Variants in IZUMO4 observed in about 807,000 individuals in gnomAD.
IZUMO4 encodes IZUMO family member 4.
IZUMO4 carries 51 observed loss-of-function variants against 37.1 expected under a neutral mutation model. The observed-to-expected ratio is 1.38, with a 90% CI of 1.10 to 1.74. The LOEUF (loss-of-function observed/expected upper bound fraction) is 1.74. Among genes scored for constraint, IZUMO4 ranks in the 40% most tolerant of loss-of-function variants. The probability of loss-of-function intolerance (pLI) is 0.00; values close to 1 mark genes in which losing one functional copy is unlikely to be tolerated. For synonymous variants in IZUMO4, 162 were observed against 121.4 expected (o/e 1.33, Z -2.20); for missense variants, 364 against 299.6 (o/e 1.21, Z -1.59).
At chr19:2,098,832 G>C (rs966847819) in intron 8 of IZUMO4, 28 bp downstream of exon 8, 13 of 1,589,458 alleles carry the variant, frequency 8.2e-6, no homozygotes, top group African/African-American at 1.4e-5. Context: ...TGGACTTCAG[G>C]GGGAGGGGGT....
chr19:2,098,648 A>G (rs1339384028), intron 7 of IZUMO4, 139 bp from the exon 8 acceptor site: 1 of 1,555,048 alleles, frequency 6.4e-7, no homozygotes, highest in Non-Finnish European at 8.7e-7. Context: ...CCTCAGCTGG[A>G]GGCGGGCATC....
chr19:2,097,306 T>C lies in IZUMO4; in HGVS notation c.272T>C (p.Leu91Pro). 6.2e-7 allele frequency: 1 copy of C among 1,612,804 alleles called. No homozygotes were observed. Among genetic ancestry groups the C allele is most frequent in the Non-Finnish European group, 8.5e-7 (1 of 1,179,908 alleles). Residue 91 changes from leucine (L) to proline (P), a missense_variant, in exon 2 of 10, where the codon CTG becomes CCG. By Grantham distance (98) the Leu-to-Pro change is moderately conservative (BLOSUM62 -3). Transcript: ENST00000395301. ...ATAVYQMMDQLYQGKMYFPGY... is the reference protein window; with the variant it reads ...ATAVYQMMDQPYQGKMYFPGY... The stretch of plus-strand genomic sequence containing the variant: ...GCAGTGTACCAGATGATGGATCAGC[T>C]GTACCAGGGGAAGATGTACTTCCCC...
chr19:2,099,417 G>A lies in IZUMO4; in HGVS notation c.*72G>A. ...TGGACAGCCCCTGCCTGTCACTCTG[G>A]AGCTGGGCTGCTGCTGCCTCAGGAC... On this transcript the variant is annotated 3_prime_UTR_variant, in exon 10 of 10. Coordinates refer to ENST00000395301, the MANE Select transcript of IZUMO4 (RefSeq NM_001039846.2). The A allele has an allele frequency of 9.0e-7, 1 of 1,116,626 alleles. No homozygotes were observed. Among genetic ancestry groups the A allele is most frequent in the South Asian group, 1.3e-5 (1 of 75,490 alleles). 69.2% of individuals were successfully genotyped at this position (1,116,626 alleles called of 1,614,324 possible). A position where few individuals can be genotyped will look rare whatever the true frequency, so the allele number is the denominator to read the frequency against.
Position 2,097,496 on chromosome 19 carries a change from G to T in IZUMO4, c.370+1G>T. The T allele has an allele frequency of 6.2e-7, 1 of 1,612,770 alleles. No individual in the cohort carries two copies. Among genetic ancestry groups the T allele is most frequent in the Non-Finnish European group, 8.5e-7 (1 of 1,179,336 alleles). ...CTCATCCAGAACGCCATCATCGAAAGTGAGCAAATAAGGCTTCAGAGGAGG... is the reference window on the plus strand; with the variant it reads ...CTCATCCAGAACGCCATCATCGAAATTGAGCAAATAAGGCTTCAGAGGAGG... On this transcript the variant is annotated splice_donor_variant, in intron 3 of 9. Coordinates refer to ENST00000395301, the MANE Select transcript of IZUMO4 (RefSeq NM_001039846.2). LOFTEE classifies it high-confidence loss of function.
intron 9 of IZUMO4, 85 bp downstream of exon 9, chr19:2,099,114 A>T: frequency 7.1e-7 from 1 of 1,405,918 alleles, no homozygotes; most frequent in Non-Finnish European, 1.0e-6. Context: ...CACCCTGCTG[A>T]CATCCCAGGC....
rs753599981 is a variant in IZUMO4, at chr19:2,098,139, G to T, written c.473+12G>T. ...GGCTATAACTGCGAGTAGGGCTCAG[G>T]CATCACACCCACCCGTGCCAGGGCC... On this transcript the variant is annotated intron_variant, in intron 5 of 9. Transcript: ENST00000395301. 4 of 1,613,212 alleles carry T rather than the reference G, an allele frequency of 2.5e-6. No homozygotes were observed. Among genetic ancestry groups the T allele is most frequent in the Non-Finnish European group, 3.4e-6 (4 of 1,179,900 alleles).
chr19:2,097,641 C>G (rs571553571), intron 3 of IZUMO4, 146 bp downstream of exon 3: 3 of 806,832 alleles, frequency 3.7e-6, no homozygotes, highest in Non-Finnish European at 4.2e-6. Context: ...GGGACCCAGC[C>G]TAGCACCTGA....
rs538696329 is a variant in IZUMO4, at chr19:2,097,008, C to G, written c.63C>G (p.Cys21Trp). The change falls in exon 1 of 10, where the codon TGC (cysteine) becomes TGG (tryptophan). Residue 21 changes from cysteine to tryptophan, a missense_variant. By Grantham distance (215) the Cys-to-Trp change is radical. Coordinates refer to ENST00000395301, the MANE Select transcript of IZUMO4 (RefSeq NM_001039846.2). Reference protein sequence around the residue: ...TAALAHGCLHCHSNFSKKFSF... With the variant: ...TAALAHGCLHWHSNFSKKFSF... Reference sequence around the variant, plus strand: ...CGCTGGCCCACGGCTGTCTGCACTGCCACAGCAACTTCTCCAAGAAGTTCT... The same window carrying G: ...CGCTGGCCCACGGCTGTCTGCACTGGCACAGCAACTTCTCCAAGAAGTTCT... The G allele has an allele frequency of 6.2e-7, 1 of 1,611,332 alleles. No homozygotes were observed. The highest frequency in any genetic ancestry group is 8.5e-7 in the Non-Finnish European group (1 of 1,179,876).
chr19:2,098,244 C>T lies in IZUMO4; in HGVS notation c.474-43C>T, dbSNP rs376499303. 5.7e-4 allele frequency: 920 copies of T among 1,613,108 alleles called. 6 individuals are homozygous for T. In the East Asian group the frequency reaches 8.2e-3, roughly 14 times the overall value. On this transcript the variant is annotated intron_variant, in intron 5 of 9. Transcript: ENST00000395301. ...TGGCTGTCATCGGGTAGGGCGGGGC[C>T]GTGGGTTCAGGGGCGCACCACTTCC...
At position 2,097,171 on chromosome 19, in the gene IZUMO4, C is replaced by G; in HGVS notation, c.217+9C>G. The G allele has an allele frequency of 6.2e-7, 1 of 1,608,212 alleles. No individual in the cohort carries two copies. Among genetic ancestry groups the G allele is most frequent in the South Asian group, 1.1e-5 (1 of 90,716 alleles). On this transcript the variant is annotated intron_variant, in intron 1 of 9. Coordinates refer to ENST00000395301, the MANE Select transcript of IZUMO4 (RefSeq NM_001039846.2). ...CATCCCCGCCAAGATCAGTGAGTGC[C>G]GGAGCCCAGCCCAGTCCCGACTACC...
In IZUMO4 at chr19:2,097,332, G is replaced by C. The variant is rs751712595; in HGVS notation, c.298G>C (p.Gly100Arg). The C allele has an allele frequency of 2.5e-6, 4 of 1,612,314 alleles. No individual in the cohort carries two copies. In the East Asian group the frequency reaches 8.9e-5, roughly 36 times the overall value. ...GTACCAGGGGAAGATGTACTTCCCC[G>C]GTAAGGGGCGCGAAACCGAGGCGGG... is the stretch of plus-strand genomic sequence containing the variant. ...QLYQGKMYFP[G>R]YFPNELRNIF... Residue 100 changes from glycine to arginine, a missense_variant and splice_region_variant, in exon 2 of 10, where the codon GGG becomes CGG. Coordinates refer to ENST00000395301, the MANE Select transcript of IZUMO4 (RefSeq NM_001039846.2).
rs775871795 is a variant in IZUMO4, at chr19:2,097,180, G to A, written c.217+18G>A. On this transcript the variant is annotated intron_variant, in intron 1 of 9. Coordinates refer to ENST00000395301, the MANE Select transcript of IZUMO4 (RefSeq NM_001039846.2). ...CAAGATCAGTGAGTGCCGGAGCCCA[G>A]CCCAGTCCCGACTACCCCGCCAGCG... 7 of 1,606,912 alleles carry A rather than the reference G, an allele frequency of 4.4e-6. No homozygotes were observed. The highest frequency in any genetic ancestry group is 6.0e-6 in the Non-Finnish European group (7 of 1,175,828).
In IZUMO4 at chr19:2,098,963, G is replaced by GTT. The variant is rs1323850487; in HGVS notation, c.555-11_555-10dup. ...CCTCTGCAACCACACCCATGTGGTGGTTTCATGAACAGACCACGCTCCTCT... is the reference window on the plus strand; with the variant it reads ...CCTCTGCAACCACACCCATGTGGTGGTTTTTCATGAACAGACCACGCTCCTCT... On this transcript the variant is annotated splice_polypyrimidine_tract_variant and intron_variant, in intron 8 of 9. Transcript: ENST00000395301. 6.2e-7 allele frequency: 1 copy of GTT among 1,612,912 alleles called. No homozygotes were observed. Among genetic ancestry groups the GTT allele is most frequent in the African/African-American group, 1.3e-5 (1 of 74,912 alleles).
At chr19:2,098,509 AGTAT>A (rs2017790884) in intron 7 of IZUMO4, 59 bp downstream of exon 7, 26 of 1,611,812 alleles carry the variant, frequency 1.6e-5, no homozygotes, top group Non-Finnish European at 2.0e-5. Flanking sequence ...CTCGTGGGTG[AGTAT>A]GTGTGGGGCA....
At chr19:2,098,909 C>T (rs2017813498) in intron 8 of IZUMO4, 67 bp from the exon 9 acceptor site, 2 of 1,590,642 alleles carry the variant, frequency 1.3e-6, no homozygotes, top group Non-Finnish European at 1.7e-6. Context: ...TGGGGCTCTC[C>T]CTATACCTGG....
rs367630522 is a variant in IZUMO4, at chr19:2,099,243, G to A, written c.609-12G>A. The A allele has an allele frequency of 1.0e-4, 166 of 1,610,192 alleles. No homozygotes were observed. Among genetic ancestry groups the A allele is most frequent in the African/African-American group, 2.5e-4 (19 of 74,834 alleles). Reference sequence around the variant, plus strand: ...GGACATGGAGAGCTGAGGCAGCCTCGTCTCCCCGCAGCCTGGTATCGCCAG... The same window carrying A: ...GGACATGGAGAGCTGAGGCAGCCTCATCTCCCCGCAGCCTGGTATCGCCAG... On this transcript the variant is annotated splice_polypyrimidine_tract_variant and intron_variant, in intron 9 of 9. Transcript: ENST00000395301.
chr19:2,099,084 C>G (rs1011195017), intron 9 of IZUMO4, 55 bp downstream of exon 9: 97 of 1,542,928 alleles, frequency 6.3e-5, no homozygotes, highest in Admixed American at 1.7e-4. Context: ...TAAGCCAACA[C>G]CAGCGTGCCG....
At chr19:2,098,711 T>G in intron 7 of IZUMO4, 76 bp from the exon 8 acceptor site, 2 of 1,587,644 alleles carry the variant, frequency 1.3e-6, no homozygotes, top group Non-Finnish European at 1.7e-6. Flanking sequence ...AGGTCTGTGG[T>G]CAGAGCCTGG....
At position 2,098,141 on chromosome 19, in the gene IZUMO4, A is replaced by G; in HGVS notation, c.473+14A>G. Reference sequence around the variant, plus strand: ...CTATAACTGCGAGTAGGGCTCAGGCATCACACCCACCCGTGCCAGGGCCCT... The same window carrying G: ...CTATAACTGCGAGTAGGGCTCAGGCGTCACACCCACCCGTGCCAGGGCCCT... On this transcript the variant is annotated intron_variant, in intron 5 of 9. Coordinates refer to ENST00000395301, the MANE Select transcript of IZUMO4 (RefSeq NM_001039846.2). 1 of 1,613,332 alleles carries G rather than the reference A, an allele frequency of 6.2e-7. No individual in the cohort carries two copies. The highest frequency in any genetic ancestry group is 8.5e-7 in the Non-Finnish European group (1 of 1,179,852).
Sources: gnomAD v4.1 joint callset for allele counts on GRCh38, gnomAD v4.1.1 for gene constraint, MANE v1.5 for transcripts, NCBI Gene and HGNC (gene_info 2026-07-23, HGNC 2026-07-21) for gene names.